TJP1: variants seen among roughly 807,000 people sequenced by gnomAD.
TJP1 encodes the protein tight junction protein ZO-1.
TJP1 carries 43 observed loss-of-function variants against 194.2 expected under a neutral mutation model. The observed-to-expected ratio is 0.22, with a 90% CI of 0.17 to 0.29. The LOEUF is 0.29. TJP1 is among the 10% of genes least tolerant of loss of function. TJP1 has a pLI of 1.00. For missense variants in TJP1, 1,971 were observed against 2,185.7 expected, an observed-to-expected ratio of 0.90 and a Z score of 1.96; for synonymous variants, 801 against 779.0, an observed-to-expected ratio of 1.03 and a Z score of -0.47.
intron 8 of TJP1, among the ~76,000 whole-genome samples, chr15:29,755,829 A>AC (rs1185900934): frequency 6.6e-6 from 1 of 152,168 alleles, no homozygotes; most frequent in African/African-American, 2.4e-5. Flanking sequence ...GTAAATCTTG[A>AC]CAATCCAAAT....
exon 1 of TJP1, chr15:29,968,874 T>C (rs1002176818): frequency 2.5e-6 from 1 of 393,158 alleles, no homozygotes; most frequent in Middle Eastern, 1.2e-3. Context: ...CCACCACAGC[T>C]CCCACCGCTC....
intron 8 of TJP1, among the ~76,000 whole-genome samples, chr15:29,756,641 TAAGAA>T (rs1307414430): frequency 6.6e-6 from 1 of 152,174 alleles, no homozygotes; most frequent in Non-Finnish European, 1.5e-5. Context: ...GTTTGCTCTC[TAAGAA>T]AAGAATATCA....
intron 8 of TJP1, among the ~76,000 whole-genome samples, chr15:29,756,467 T>C (rs150526258): frequency 7.2e-5 from 11 of 152,320 alleles, no homozygotes; most frequent in African/African-American, 1.7e-4. Context: ...GATTATGCCA[T>C]TGTGGAATGG....
At chr15:29,699,998 A>G (rs2041445450), downstream of TJP1, 1 of 298,416 alleles carries the variant, frequency 3.4e-6, no homozygotes, top group Non-Finnish European at 6.1e-6. Flanking sequence ...ACCCATCTGT[A>G]CATGCTGGCC....
chr15:29,906,238 C>T (rs991127427), intron 2 of TJP1, among the ~76,000 whole-genome samples: 1 of 151,898 alleles, frequency 6.6e-6, no homozygotes, highest in African/African-American at 2.4e-5. Flanking sequence ...TTTGGGAGGC[C>T]GAGGTGGGTG....
rs180952649 is a variant in TJP1 at position 29,726,496 on chromosome 15, G to T, written c.2312-17C>A. The T allele has an allele frequency of 6.2e-7, 1 of 1,609,972 alleles. No homozygotes were observed. Among genetic ancestry groups the T allele is most frequent in the Non-Finnish European group, 8.5e-7 (1 of 1,176,476 alleles). On this transcript the variant is annotated splice_polypyrimidine_tract_variant and intron_variant, in intron 17 of 27. Transcript: ENST00000614355. ...TAATTGTAGCTGAAAATAAATTAAC[G>T]ATGTAGTTTTATGGTTAGAGCACTG...
At chr15:29,823,365 C>T (rs954554010), upstream of TJP1, 1 of 152,168 alleles carries the variant, frequency 6.6e-6, no homozygotes, top group Non-Finnish European at 1.5e-5. Flanking sequence ...CACCAAGGAA[C>T]ATGGTAAGAA....
upstream of TJP1, chr15:29,822,583 GACGA>G: frequency 1.5e-6 from 1 of 645,340 alleles, no homozygotes; most frequent in Non-Finnish European, 1.9e-6. Flanking sequence ...GAGGGGGCGG[GACGA>G]GCGGCCGGGG....
At chr15:29,887,512 G>T (rs572739807) in intron 2 of TJP1, among the ~76,000 whole-genome samples, 21 of 151,860 alleles carry the variant, frequency 1.4e-4, no homozygotes, top group African/African-American at 4.8e-4. Flanking sequence ...CGTTAGCCAG[G>T]CTGGTCTTGA....
intron 2 of TJP1, among the ~76,000 whole-genome samples, chr15:29,839,655 A>G (rs1055977809): frequency 6.6e-6 from 1 of 152,194 alleles, no homozygotes. Context: ...AATATAAATA[A>G]TAAAATAACA....
chr15:29,960,214 C>A (rs958388701), intron 1 of TJP1, among the ~76,000 whole-genome samples: 1 of 151,984 alleles, frequency 6.6e-6, no homozygotes, highest in Non-Finnish European at 1.5e-5. Flanking sequence ...TTATATCTAC[C>A]AAATTTTATA....
At chr15:29,891,559 T>C (rs2152163860) in intron 2 of TJP1, among the ~76,000 whole-genome samples, 1 of 152,350 alleles carries the variant, frequency 6.6e-6, no homozygotes, top group Admixed American at 6.5e-5. Flanking sequence ...GCATGTCTAC[T>C]GGCACCATTC....
chr15:29,936,048 A>G (rs2054870624), intron 2 of TJP1, among the ~76,000 whole-genome samples: 1 of 151,984 alleles, frequency 6.6e-6, no homozygotes, highest in Non-Finnish European at 1.5e-5. Context: ...GGCAATCTCA[A>G]TGCCCACTCA....
intron 2 of TJP1, among the ~76,000 whole-genome samples, chr15:29,887,298 A>G (rs1323547072): frequency 2.0e-5 from 3 of 148,260 alleles, no homozygotes; most frequent in African/African-American, 7.4e-5. Context: ...ATATATACAT[A>G]TATATGTATA....
intron 10 of TJP1, among the ~76,000 whole-genome samples, chr15:29,740,411 A>T (rs1347456685): frequency 6.6e-6 from 1 of 152,080 alleles, no homozygotes; most frequent in Non-Finnish European, 1.5e-5. Context: ...GGACTGCTTG[A>T]GCCCAGGACT....
At chr15:29,949,490 T>A (rs1472694521) in intron 2 of TJP1, among the ~76,000 whole-genome samples, 29 of 36,822 alleles carry the variant, frequency 7.9e-4, no homozygotes, top group African/African-American at 1.9e-3. Context: ...AACCACCACC[T>A]CCACCTCCAC....
chr15:29,905,526 C>T (rs927657799), intron 2 of TJP1, among the ~76,000 whole-genome samples: 3 of 152,136 alleles, frequency 2.0e-5, no homozygotes, highest in African/African-American at 7.2e-5. Flanking sequence ...CCAAATGAGT[C>T]GAAAACATAT....
chr15:29,876,451 T>G (rs186398642), intron 2 of TJP1, among the ~76,000 whole-genome samples: 5 of 151,972 alleles, frequency 3.3e-5, no homozygotes, highest in African/African-American at 1.2e-4. Flanking sequence ...AACCCAGGAG[T>G]TGGAGGTTGC....
intron 1 of TJP1, among the ~76,000 whole-genome samples, chr15:29,808,387 A>G (rs1315837109): frequency 1.3e-5 from 2 of 152,222 alleles, no homozygotes; most frequent in Non-Finnish European, 2.9e-5. Context: ...CGGGACGTAA[A>G]GTAAATGTTC....
Sources: allele counts gnomAD v4.1 joint callset (sites outside exome capture counted in the v4.1 genomes callset), GRCh38; gene constraint gnomAD v4.1.1; transcripts MANE v1.5; gene names NCBI Gene and HGNC (gene_info 2026-07-23, HGNC 2026-07-21).